The following ZNF700 variants were observed in gnomAD, a reference collection of about 807,000 sequenced individuals.
ZNF700 encodes zinc finger protein 700.
ZNF700 carries 38 observed loss-of-function variants against 65.3 expected under a neutral mutation model. The ratio of observed to expected loss-of-function variants is 0.58; its 90% confidence interval spans 0.45 to 0.76. The LOEUF is 0.76. Ranked by LOEUF, ZNF700 falls within the 30% of genes least tolerant of loss-of-function variation. The pLI is 0.00. For missense variants in ZNF700, 857 were observed against 888.4 expected (o/e 0.96, Z 0.45); for synonymous variants, 285 against 290.4 (o/e 0.98, Z 0.19).
rs1476570699 is a variant in ZNF700 at position 11,950,048 on chromosome 19, C to G, written c.2024C>G (p.Pro675Arg). The G allele has an allele frequency of 6.2e-7, 1 of 1,614,074 alleles. No homozygotes were observed. Among genetic ancestry groups the G allele is most frequent in the South Asian group, 1.1e-5 (1 of 91,082 alleles). ...GAAAGGAAGCACAGAGGAGAGAAGC[C>G]CTATGAATGTAAGCATTGTGGGAAT... ...IHERKHRGEK[P>R]YECKHCGNGF... The change falls in exon 4 of 4, where the codon CCC becomes CGC. Residue 675 changes from proline to arginine, a missense_variant. By Grantham distance (103) the Pro-to-Arg change is moderately radical. Around this residue, in one of 3 missense-constraint regions of ZNF700, gnomAD observed 251 missense variants for 250.3 expected, o/e 1.00. Transcript: ENST00000254321.
chr19:11,931,309 T>G lies in ZNF700; in HGVS notation c.63+6036T>G, dbSNP rs537605072. Among the ~76,000 whole-genome samples the G allele has an allele frequency of 5.4e-5, 8 of 148,222 alleles. No individual in the cohort carries two copies. The East Asian group carries it at 1.5e-3, about 29-fold the overall frequency. Reference sequence around the variant, plus strand: ...GCTTCCTGGTTTGCAAATGATCGTCTTCTTGTGGTTTCTTCACATGACAGA... The same window carrying G: ...GCTTCCTGGTTTGCAAATGATCGTCGTCTTGTGGTTTCTTCACATGACAGA... On this transcript the variant is annotated intron_variant, in intron 1 of 3. Transcript: ENST00000254321.
At chr19:11,926,600 G>GCTGGTCTCGAACT (rs1317283974) in intron 1 of ZNF700, 1 of 154,134 alleles carries the variant, frequency 6.5e-6, no homozygotes, top group African/African-American at 2.4e-5. Context: ...TGTTGGCCAG[G>GCTGGTCTCGAACT]CTGGTCTCGA....
At chr19:11,944,457 A>T (rs185387862) in intron 1 of ZNF700, among the ~76,000 whole-genome samples, 43 of 152,282 alleles carry the variant, frequency 2.8e-4, no homozygotes, top group Middle Eastern at 6.8e-3. Flanking sequence ...TGCAGTATCC[A>T]TGTGATCCCC....
Position 11,949,590 on chromosome 19 carries a change from A to T in ZNF700, c.1566A>T (p.Ser522=). 1 of 1,612,496 alleles carries T rather than the reference A, an allele frequency of 6.2e-7. No individual in the cohort carries two copies. Among genetic ancestry groups the T allele is most frequent in the Non-Finnish European group, 8.5e-7 (1 of 1,179,718 alleles). The part of the protein sequence containing the change: ...ICEKGFYSAK[S]FQTHEKTHTG... ...AGAAAGGCTTTTATTCTGCCAAGTC[A>T]TTTCAAACACATGAAAAAACTCACA... The change falls in exon 4 of 4, where the codon TCA becomes TCT. Residue 522 remains serine (S), a synonymous_variant. Coordinates refer to ENST00000254321, the MANE Select transcript of ZNF700 (RefSeq NM_144566.3).
At position 11,947,514 on chromosome 19, in the gene ZNF700, G is replaced by GA. The variant is rs1972979185; in HGVS notation, c.198dup (p.Trp67MetfsTer3). 2.5e-6 allele frequency: 4 copies of GA among 1,610,214 alleles called. No individual in the cohort carries two copies. The highest frequency in any genetic ancestry group is 2.2e-5 in the South Asian group (2 of 89,812). Reference sequence around the variant, plus strand: ...CTATTTTTCTGTGTCTGTATTTTAGGAAAAAAATGGAGTGACCAGAACATT... The same window carrying GA: ...CTATTTTTCTGTGTCTGTATTTTAGGAAAAAAAATGGAGTGACCAGAACATT... On this transcript the variant is annotated frameshift_variant and splice_region_variant, in exon 3 of 4. Coordinates refer to ENST00000254321, the MANE Select transcript of ZNF700 (RefSeq NM_144566.3). LOFTEE classifies it high-confidence loss of function.
chr19:11,928,001 A>AT (rs111689982), intron 1 of ZNF700, among the ~76,000 whole-genome samples: 1,634 of 145,800 alleles, frequency 0.011, 26 homozygotes, highest in African/African-American at 0.03. Context: ...AGATACAACA[A>AT]TTTTTTTTTT....
chr19:11,940,700 G>A (rs1036549727), intron 1 of ZNF700, among the ~76,000 whole-genome samples: 1 of 152,146 alleles, frequency 6.6e-6, no homozygotes, highest in Non-Finnish European at 1.5e-5. Context: ...GCTGGCTCAG[G>A]CAGCCTGCTT....
At chr19:11,938,972 G>A (rs1419459124) in intron 1 of ZNF700, among the ~76,000 whole-genome samples, 2 of 152,078 alleles carry the variant, frequency 1.3e-5, no homozygotes, top group African/African-American at 2.4e-5. Flanking sequence ...TTCTCTGATG[G>A]CCAGTGATGA....
chr19:11,927,431 TAAATAAA>T (rs1972647168), intron 1 of ZNF700, among the ~76,000 whole-genome samples: 1 of 123,468 alleles, frequency 8.1e-6, no homozygotes, highest in African/African-American at 4.2e-5. Context: ...TTTAAATAAA[TAAATAAA>T]TAAATAAATA....
At chr19:11,935,233 G>GTTT (rs1278688727) in intron 1 of ZNF700, among the ~76,000 whole-genome samples, 32 of 93,204 alleles carry the variant, frequency 3.4e-4, no homozygotes, top group South Asian at 1.1e-3. Flanking sequence ...GAAAGATCTT[G>GTTT]TTTTTTTTTT....
chr19:11,929,688 A>G (rs1052676271), intron 1 of ZNF700, among the ~76,000 whole-genome samples: 4 of 148,018 alleles, frequency 2.7e-5, no homozygotes, highest in African/African-American at 1.1e-4. Flanking sequence ...CACACTTTCC[A>G]GGGCAACTGG....
intron 3 of ZNF700, 56 bp downstream of exon 3, chr19:11,947,630 G>T: frequency 2.1e-6 from 3 of 1,446,642 alleles, no homozygotes; most frequent in Non-Finnish European, 2.9e-6. Flanking sequence ...TAGAATATGA[G>T]AATATGTTGA....
chr19:11,925,541 G>A (rs1972613390), intron 1 of ZNF700, among the ~76,000 whole-genome samples: 1 of 152,218 alleles, frequency 6.6e-6, no homozygotes, highest in Non-Finnish European at 1.5e-5. Context: ...CGCTCCCGCA[G>A]CCCCGCGTCT....
intron 1 of ZNF700, among the ~76,000 whole-genome samples, chr19:11,941,612 C>G (rs959002693): frequency 6.6e-6 from 1 of 152,198 alleles, no homozygotes; most frequent in Non-Finnish European, 1.5e-5. Flanking sequence ...CAAGCCCACG[C>G]CCACCCAGAA....
chr19:11,940,860 T>C (rs956028246), intron 1 of ZNF700, among the ~76,000 whole-genome samples: 14 of 151,946 alleles, frequency 9.2e-5, no homozygotes, highest in Non-Finnish European at 1.8e-4. Flanking sequence ...TACAGAGTGT[T>C]GACATAAAGG....
In ZNF700 at chr19:11,948,386, C is replaced by T. The variant is rs778939316; in HGVS notation, c.362C>T (p.Pro121Leu). The T allele has an allele frequency of 3.1e-6, 5 of 1,613,834 alleles. No homozygotes were observed. The highest frequency in any genetic ancestry group is 2.7e-5 in the African/African-American group (2 of 74,880). Residue 121 changes from proline (P) to leucine (L), a missense_variant, in exon 4 of 4, where the codon CCT becomes CTT. Pro to Leu is a moderately conservative substitution (Grantham distance 98). Coordinates refer to ENST00000254321, the MANE Select transcript of ZNF700 (RefSeq NM_144566.3). Reference protein sequence around the residue: ...RLNFQEKKASPEVKSCDSFVC... With the variant: ...RLNFQEKKASLEVKSCDSFVC... ...AACTTCCAGGAGAAGAAAGCTTCTC[C>T]TGAAGTAAAATCATGTGACAGCTTT...
intron 1 of ZNF700, among the ~76,000 whole-genome samples, chr19:11,946,600 T>G (rs1382915711): frequency 6.6e-6 from 1 of 152,198 alleles, no homozygotes; most frequent in Non-Finnish European, 1.5e-5. Flanking sequence ...GGTAATCTTG[T>G]GCCATACCTT....
chr19:11,938,653 CTT>C (rs1393147141), intron 1 of ZNF700, among the ~76,000 whole-genome samples: 2 of 152,140 alleles, frequency 1.3e-5, no homozygotes, highest in African/African-American at 4.8e-5. Context: ...GGTTCCAAGT[CTT>C]TGCTATTGTG....
intron 1 of ZNF700, among the ~76,000 whole-genome samples, chr19:11,934,009 T>C (rs1972753173): frequency 6.8e-6 from 1 of 147,548 alleles, no homozygotes; most frequent in Non-Finnish European, 1.5e-5. Flanking sequence ...TAACATTACG[T>C]TGGATGGGTG....
Sources: gnomAD v4.1 joint callset for allele counts (sites outside exome capture counted in the v4.1 genomes callset) on GRCh38, gnomAD v4.1.1 for gene constraint, gnomAD v4.1.1 regional missense constraint, MANE v1.5 for transcripts, NCBI Gene and HGNC (gene_info 2026-07-23, HGNC 2026-07-21) for gene names.